SYT14: variants seen among roughly 807,000 people sequenced by gnomAD.
SYT14 encodes the protein synaptotagmin-14.
Under a neutral mutation model 74.2 loss-of-function variants are expected in SYT14, and 32 were observed. The ratio of observed to expected loss-of-function variants is 0.43; its 90% CI spans 0.33 to 0.58. The LOEUF (loss-of-function observed/expected upper bound fraction) is 0.58. Ranked by LOEUF, SYT14 falls within the 20% of genes least tolerant of loss-of-function variation. The pLI is 0.05. For synonymous variants in SYT14, 298 were observed against 337.7 expected, an observed-to-expected ratio of 0.88 and a Z score of 1.29; for missense variants, 791 against 981.8, an observed-to-expected ratio of 0.81 and a Z score of 2.60.
exon 10 of SYT14, chr1:210,161,145 C>G (rs1167544802): frequency 7.9e-7 from 1 of 1,269,744 alleles, no homozygotes; most frequent in South Asian, 1.2e-5. Context: ...TTTGAAGAAT[C>G]ATATTCAACC....
chr1:209,988,767 G>A (rs917424574), intron 2 of SYT14, among the ~76,000 whole-genome samples: 2 of 152,064 alleles, frequency 1.3e-5, no homozygotes, highest in Admixed American at 6.6e-5. Flanking sequence ...GTAAGATTTG[G>A]CATGTCTTCC....
chr1:209,985,060 C>G (rs185904337), intron 2 of SYT14, among the ~76,000 whole-genome samples: 9 of 152,286 alleles, frequency 5.9e-5, no homozygotes, highest in Admixed American at 2.0e-4. Context: ...TCATTCCACC[C>G]CTGGCCCCAC....
intron 2 of SYT14, chr1:209,953,282 G>C: frequency 7.8e-7 from 1 of 1,280,186 alleles, no homozygotes. Context: ...CTAGGTGGGA[G>C]GCAAGGAATC....
exon 10 of SYT14, chr1:210,164,062 A>C: frequency 4.4e-6 from 2 of 453,604 alleles, no homozygotes; most frequent in Non-Finnish European, 8.8e-6. Flanking sequence ...AATGAGCTGC[A>C]AAAGATAATT....
At chr1:210,110,609 A>T (rs1240532428) in intron 7 of SYT14, among the ~76,000 whole-genome samples, 1 of 152,212 alleles carries the variant, frequency 6.6e-6, no homozygotes, top group African/African-American at 2.4e-5. Flanking sequence ...AGAAGAGTTT[A>T]TCGTAGATCA....
intron 2 of SYT14, among the ~76,000 whole-genome samples, chr1:210,011,446 C>T (rs967791092): frequency 1.3e-5 from 2 of 152,140 alleles, no homozygotes; most frequent in African/African-American, 4.8e-5. Flanking sequence ...AAGGCCTGTC[C>T]CTCAGCACCA....
intron 5 of SYT14, among the ~76,000 whole-genome samples, chr1:210,039,652 A>G (rs1323404306): frequency 1.3e-5 from 2 of 152,222 alleles, no homozygotes; most frequent in Non-Finnish European, 2.9e-5. Flanking sequence ...AAGGACTAAT[A>G]TCCAGAATCT....
chr1:210,167,011 T>G (rs1352546730), exon 10 of SYT14: 1 of 152,210 alleles, frequency 6.6e-6, no homozygotes, highest in African/African-American at 2.4e-5. Context: ...TCAAAGTGTT[T>G]CTTGGTATAA....
chr1:210,136,208 GT>G (rs2082781846), intron 7 of SYT14, among the ~76,000 whole-genome samples: 1 of 152,092 alleles, frequency 6.6e-6, no homozygotes, highest in Non-Finnish European at 1.5e-5. Flanking sequence ...ATGTCAGAAA[GT>G]TTGTAGATAT....
intron 5 of SYT14, among the ~76,000 whole-genome samples, chr1:210,041,180 T>C (rs1359704842): frequency 6.6e-6 from 1 of 152,118 alleles, no homozygotes; most frequent in East Asian, 1.9e-4. Flanking sequence ...TGGGAAAACA[T>C]GTAAGGATAG....
At position 210,030,797 on chromosome 1, in the gene SYT14, C is replaced by T. The variant is rs568667658; in HGVS notation, c.1312+9543C>T. ...TGTGTGGCTGTTGCACAGGGAGGAG[C>T]GTCTGAGAGAAGATCACTCACAAGA... On this transcript the variant is annotated intron_variant, in intron 5 of 9. Coordinates refer to ENST00000637265, the Ensembl canonical transcript of SYT14. Among the ~76,000 whole-genome samples the T allele has an allele frequency of 6.6e-5, 10 of 152,202 alleles. No individual in the cohort carries two copies. The South Asian group carries it at 1.2e-3, about 19-fold the overall frequency.
chr1:210,079,751 A>G (rs906079816), intron 5 of SYT14, among the ~76,000 whole-genome samples: 2 of 152,234 alleles, frequency 1.3e-5, no homozygotes, highest in Non-Finnish European at 2.9e-5. Flanking sequence ...AGAGAAAGCA[A>G]ACGAATGAGG....
At chr1:209,950,652 C>T (rs936537578) in intron 1 of SYT14, among the ~76,000 whole-genome samples, 4 of 152,148 alleles carry the variant, frequency 2.6e-5, no homozygotes, top group Non-Finnish European at 4.4e-5. Context: ...GAATGAAGAT[C>T]TAACCTACTT....
At chr1:210,124,104 A>G (rs1558205368) in intron 7 of SYT14, among the ~76,000 whole-genome samples, 1 of 152,194 alleles carries the variant, frequency 6.6e-6, no homozygotes, top group Non-Finnish European at 1.5e-5. Context: ...ATTTGTTTTC[A>G]TATTGTCTAT....
At chr1:209,979,020 T>A (rs756708885) in intron 2 of SYT14, among the ~76,000 whole-genome samples, 1 of 152,196 alleles carries the variant, frequency 6.6e-6, no homozygotes, top group Non-Finnish European at 1.5e-5. Flanking sequence ...CGGGATATAA[T>A]CTCCTGGTAT....
intron 7 of SYT14, among the ~76,000 whole-genome samples, chr1:210,121,343 A>AT (rs1448025477): frequency 6.6e-6 from 1 of 152,168 alleles, no homozygotes; most frequent in Admixed American, 6.6e-5. Context: ...TTTGCATTGT[A>AT]TTTTTTCAAG....
intron 2 of SYT14, among the ~76,000 whole-genome samples, chr1:209,977,196 GC>G (rs1437267872): frequency 2.0e-5 from 3 of 152,104 alleles, no homozygotes; most frequent in Admixed American, 1.3e-4. Context: ...GGAGCATTTA[GC>G]CCATTTACAT....
chr1:210,020,094 CAT>C (rs1189808173), intron 4 of SYT14, among the ~76,000 whole-genome samples: 13 of 152,250 alleles, frequency 8.5e-5, no homozygotes, highest in African/African-American at 2.6e-4. Flanking sequence ...GTATATGCCA[CAT>C]GTGTGTGTAT....
At chr1:209,962,422 G>A (rs1227978283) in intron 2 of SYT14, among the ~76,000 whole-genome samples, 1 of 151,748 alleles carries the variant, frequency 6.6e-6, no homozygotes, top group Non-Finnish European at 1.5e-5. Flanking sequence ...TTTCAATTAG[G>A]TTGTGAATTT....
Sources: allele counts gnomAD v4.1 joint callset (sites outside exome capture counted in the v4.1 genomes callset), GRCh38; gene constraint gnomAD v4.1.1; transcripts MANE v1.5; gene names NCBI Gene and HGNC (gene_info 2026-07-23, HGNC 2026-07-21).